Variants in MBD5 observed in about 807,000 individuals in gnomAD.
MBD5 encodes methyl-CpG-binding domain protein 5.
MBD5 carries 13 observed loss-of-function variants against 117.3 expected under a neutral mutation model. That is an observed-to-expected ratio of 0.11 (90% CI 0.07 to 0.18). The LOEUF is 0.18. MBD5 is among the 10% of genes least tolerant of loss of function. The pLI is 1.00. For synonymous variants in MBD5, 727 were observed against 766.4 expected, an observed-to-expected ratio of 0.95 and a Z score of 0.85; for missense variants, 1,879 against 2,093.8, an observed-to-expected ratio of 0.90 and a Z score of 2.00.
chr2:148,197,451 A>G (rs143291578), intron 2 of MBD5, among the ~76,000 whole-genome samples: 99 of 152,352 alleles, frequency 6.5e-4, no homozygotes, highest in Middle Eastern at 3.4e-3. Flanking sequence ...GTAAGTTTGG[A>G]AAGTACCACA....
intron 1 of MBD5, among the ~76,000 whole-genome samples, chr2:148,164,787 T>C (rs1698087419): frequency 6.6e-6 from 1 of 152,140 alleles, no homozygotes; most frequent in Non-Finnish European, 1.5e-5. Context: ...ACTGGGTAAA[T>C]GATAAGAAAA....
intron 4 of MBD5, among the ~76,000 whole-genome samples, chr2:148,371,763 T>G (rs535884804): frequency 1.2e-4 from 19 of 152,142 alleles, no homozygotes; most frequent in Admixed American, 2.6e-4. Flanking sequence ...GATTTCAAAG[T>G]AGTAGCTCCA....
chr2:148,076,236 C>T (rs1695507018), intron 1 of MBD5, among the ~76,000 whole-genome samples: 1 of 151,924 alleles, frequency 6.6e-6, no homozygotes, highest in South Asian at 2.1e-4. Flanking sequence ...TTCTGTCTTT[C>T]TGCTTTGTAC....
intron 1 of MBD5, among the ~76,000 whole-genome samples, chr2:148,167,569 T>C (rs1225127528): frequency 1.3e-5 from 2 of 152,208 alleles, no homozygotes; most frequent in African/African-American, 4.8e-5. Context: ...TAATGAAATT[T>C]ATCTTTATAA....
chr2:148,359,797 C>G (rs1267950367), intron 4 of MBD5, among the ~76,000 whole-genome samples: 1 of 152,106 alleles, frequency 6.6e-6, no homozygotes, highest in Non-Finnish European at 1.5e-5. Flanking sequence ...TGTGACTGCT[C>G]TTTATGTATT....
chr2:148,052,552 T>G (rs1384456213), intron 1 of MBD5, among the ~76,000 whole-genome samples: 1 of 151,728 alleles, frequency 6.6e-6, no homozygotes, highest in African/African-American at 2.4e-5. Context: ...TAAATTTCCC[T>G]CTTAGCACTG....
chr2:148,200,924 A>G lies in MBD5; in HGVS notation c.-831+22131A>G, dbSNP rs151104734. Among the ~76,000 whole-genome samples the G allele has an allele frequency of 4.6e-5, 7 of 152,358 alleles. No individual in the cohort carries two copies. In the East Asian group the frequency reaches 1.4e-3, roughly 29 times the overall value. ...TTTAAAACTTTTTTTAAAATTCATC[A>G]TTGGAAACATGATCCATTTATTTAT... On this transcript the variant is annotated intron_variant, in intron 2 of 13. Transcript: ENST00000642680.
intron 1 of MBD5, among the ~76,000 whole-genome samples, chr2:148,161,461 A>T (rs187007765): frequency 6.6e-6 from 1 of 152,376 alleles, no homozygotes; most frequent in Admixed American, 6.5e-5. Context: ...AAGCTTAATA[A>T]GAAAAATCTT....
intron 2 of MBD5, among the ~76,000 whole-genome samples, chr2:148,218,252 G>T (rs901233012): frequency 6.6e-6 from 1 of 152,110 alleles, no homozygotes; most frequent in Non-Finnish European, 1.5e-5. Context: ...TTGGTAGGGG[G>T]TAAGTCTAGG....
rs142495834 is a variant in MBD5, at chr2:148,469,771, G to A, written c.1828G>A (p.Gly610Ser). 21 of 1,613,800 alleles carry A rather than the reference G, an allele frequency of 1.3e-5. No homozygotes were observed. The Admixed American group carries it at 1.7e-4, about 13-fold the overall frequency. Residue 610 changes from glycine to serine, a missense_variant, in exon 8 of 14, where the codon GGC (glycine) becomes AGC (serine). Transcript: ENST00000642680. ...SSSSNSGAVA[G>S]SGNTEGHSTL... is the part of the protein sequence containing the mutation. ...CAGTAGCAATTCTGGAGCTGTTGCC[G>A]GCAGTGGCAACACTGAAGGACATAG... is the stretch of plus-strand genomic sequence containing the variant.
chr2:148,134,366 A>G (rs1697124156), intron 1 of MBD5, among the ~76,000 whole-genome samples: 1 of 152,222 alleles, frequency 6.6e-6, no homozygotes, highest in South Asian at 2.1e-4. Context: ...TGTTTTTTAT[A>G]AAATATCACA....
intron 2 of MBD5, among the ~76,000 whole-genome samples, chr2:148,216,820 C>T (rs1250120686): frequency 6.6e-6 from 1 of 152,134 alleles, no homozygotes; most frequent in Admixed American, 6.6e-5. Context: ...TGACCCTCAG[C>T]ACCACCCAAA....
intron 3 of MBD5, among the ~76,000 whole-genome samples, chr2:148,258,782 T>C (rs1285822683): frequency 1.3e-5 from 2 of 152,220 alleles, no homozygotes; most frequent in African/African-American, 4.8e-5. Flanking sequence ...TCCATATCCA[T>C]GAGCGTGTCA....
intron 1 of MBD5, among the ~76,000 whole-genome samples, chr2:148,178,178 C>G (rs1698434196): frequency 6.6e-6 from 1 of 151,980 alleles, no homozygotes; most frequent in Non-Finnish European, 1.5e-5. Context: ...CTAAGTTTAG[C>G]AGGTTGGTGT....
intron 3 of MBD5, among the ~76,000 whole-genome samples, chr2:148,240,508 C>T (rs1157811871): frequency 6.6e-6 from 1 of 152,096 alleles, no homozygotes; most frequent in African/African-American, 2.4e-5. Flanking sequence ...TTTCAGCCAC[C>T]CAAAGTGCTG....
intron 1 of MBD5, among the ~76,000 whole-genome samples, chr2:148,078,045 A>G (rs759034594): frequency 1.7e-4 from 26 of 152,160 alleles, no homozygotes; most frequent in Non-Finnish European, 3.1e-4. Context: ...AGAATTCTAG[A>G]TGGCCTTGGT....
intron 1 of MBD5, among the ~76,000 whole-genome samples, chr2:148,176,700 C>T (rs952266985): frequency 1.3e-5 from 2 of 151,984 alleles, no homozygotes; most frequent in African/African-American, 2.4e-5. Flanking sequence ...TGAGCCACTA[C>T]GCCCAGCAAC....
chr2:148,254,305 A>C (rs75441734), intron 3 of MBD5, among the ~76,000 whole-genome samples: 19,277 of 152,244 alleles, frequency 0.13, 1,482 homozygotes, highest in Non-Finnish European at 0.18. Context: ...CTCCTTAGGC[A>C]GCAGTTACTA....
At chr2:148,339,697 C>A (rs1702887914) in intron 3 of MBD5, among the ~76,000 whole-genome samples, 1 of 152,082 alleles carries the variant, frequency 6.6e-6, no homozygotes, top group Admixed American at 6.6e-5. Context: ...AAAAGTCTTT[C>A]TTTCGTTCCT....
Sources: allele counts gnomAD v4.1 joint callset (sites outside exome capture counted in the v4.1 genomes callset), GRCh38; gene constraint gnomAD v4.1.1; transcripts MANE v1.5; gene names NCBI Gene and HGNC (gene_info 2026-07-23, HGNC 2026-07-21).